KAZN: variants seen among roughly 807,000 people sequenced by gnomAD.
KAZN encodes kazrin.
In KAZN, 40 loss-of-function variants were observed where a neutral mutation model predicts 87.4. That is an observed-to-expected ratio of 0.46 (90% CI 0.36 to 0.60). KAZN has a LOEUF of 0.60. KAZN is among the 20% of genes least tolerant of loss of function. The pLI is 0.00. For synonymous variants in KAZN, 466 were observed against 458.3 expected, an observed-to-expected ratio of 1.02 and a Z score of -0.22; for missense variants, 898 against 1,073.9, an observed-to-expected ratio of 0.84 and a Z score of 2.29.
At chr1:14,960,616 A>G in intron 1 of KAZN, 68 bp from the exon 2 acceptor site, 3 of 1,509,338 alleles carry the variant, frequency 2.0e-6, no homozygotes, top group Non-Finnish European at 2.7e-6. Flanking sequence ...ACCTCAAACC[A>G]TCCCCAGAAA....
chr1:14,694,154 C>T (rs1358165702), intron 1 of KAZN, among the ~76,000 whole-genome samples: 1 of 152,224 alleles, frequency 6.6e-6, no homozygotes, highest in African/African-American at 2.4e-5. Flanking sequence ...CAAAACACTG[C>T]CCAGCTCTGT....
chr1:14,158,888 T>G (rs7533459), intron 1 of KAZN, among the ~76,000 whole-genome samples: 26,892 of 152,144 alleles, frequency 0.18, 2,999 homozygotes, highest in East Asian at 0.33. Context: ...TCTTGGGTAA[T>G]ATCTGAAATA....
At chr1:14,050,001 G>C (rs1016871614) in intron 1 of KAZN, among the ~76,000 whole-genome samples, 6 of 152,228 alleles carry the variant, frequency 3.9e-5, no homozygotes, top group Admixed American at 1.3e-4. Context: ...GAGGGAAAGG[G>C]AGAGGGGCCA....
intron 2 of KAZN, among the ~76,000 whole-genome samples, chr1:14,479,619 C>T (rs1668957654): frequency 1.3e-5 from 2 of 152,186 alleles, no homozygotes; most frequent in East Asian, 1.9e-4. Flanking sequence ...TTTTCCCTGA[C>T]AATCCTAGGC....
chr1:14,568,228 A>C (rs2148539945), intron 2 of KAZN, among the ~76,000 whole-genome samples: 1 of 152,294 alleles, frequency 6.6e-6, no homozygotes, highest in East Asian at 1.9e-4. Context: ...GCCTATCATG[A>C]GGGCCACATT....
intron 1 of KAZN, among the ~76,000 whole-genome samples, chr1:14,848,090 C>A (rs61772354): frequency 1.3e-5 from 2 of 152,140 alleles, no homozygotes; most frequent in African/African-American, 4.8e-5. Context: ...ATTTGAGGAC[C>A]AGGCAAGGGA....
chr1:14,888,701 T>A (rs776618723), intron 1 of KAZN, among the ~76,000 whole-genome samples: 12 of 152,134 alleles, frequency 7.9e-5, no homozygotes, highest in Non-Finnish European at 1.6e-4. Flanking sequence ...TAGGATAGGA[T>A]CACTTATGCC....
intron 1 of KAZN, among the ~76,000 whole-genome samples, chr1:14,142,368 C>T (rs1306951862): frequency 1.3e-5 from 2 of 152,182 alleles, no homozygotes; most frequent in African/African-American, 2.4e-5. Flanking sequence ...CCAGGTTGTT[C>T]CTAACAGCAA....
chr1:15,046,343 A>C (rs114732839), intron 4 of KAZN, among the ~76,000 whole-genome samples: 4,444 of 151,946 alleles, frequency 0.029, 189 homozygotes, highest in African/African-American at 0.094. Context: ...ATTTGCTATT[A>C]ATTAAGTGGA....
At chr1:14,550,738 T>TCTCTCTCTC (rs1329797253) in intron 2 of KAZN, among the ~76,000 whole-genome samples, 1 of 37,988 alleles carries the variant, frequency 2.6e-5, no homozygotes, top group South Asian at 1.8e-3. Context: ...TCTCTCTCTC[T>TCTCTCTCTC]CCCCCACCCC....
At chr1:14,893,074 A>G (rs1435416332) in intron 1 of KAZN, among the ~76,000 whole-genome samples, 3 of 152,210 alleles carry the variant, frequency 2.0e-5, no homozygotes, top group Non-Finnish European at 4.4e-5. Flanking sequence ...ATCATTTTTA[A>G]AAGGAAAATA....
At chr1:14,357,407 C>G (rs188161717) in intron 2 of KAZN, among the ~76,000 whole-genome samples, 9 of 152,182 alleles carry the variant, frequency 5.9e-5, no homozygotes, top group Non-Finnish European at 8.8e-5. Flanking sequence ...ATTGGAATAC[C>G]CTTTATTTCT....
At chr1:14,239,653 T>A (rs1248898682) in intron 2 of KAZN, among the ~76,000 whole-genome samples, 1 of 151,724 alleles carries the variant, frequency 6.6e-6, no homozygotes. Flanking sequence ...AGAGACAGGG[T>A]TTCTCCATGT....
intron 1 of KAZN, among the ~76,000 whole-genome samples, chr1:14,739,759 AG>A (rs1462627717): frequency 1.3e-5 from 2 of 152,128 alleles, no homozygotes; most frequent in African/African-American, 4.8e-5. Flanking sequence ...ATTCAAAAAA[AG>A]TGGAAAGCTT....
intron 7 of KAZN, among the ~76,000 whole-genome samples, chr1:15,065,405 G>A (rs1045592783): frequency 6.6e-6 from 1 of 152,162 alleles, no homozygotes; most frequent in Non-Finnish European, 1.5e-5. Context: ...GTCCCTGAGA[G>A]GTTCTGTGAC....
At chr1:14,228,690 G>A (rs1647520070) in intron 2 of KAZN, among the ~76,000 whole-genome samples, 1 of 152,224 alleles carries the variant, frequency 6.6e-6, no homozygotes, top group Non-Finnish European at 1.5e-5. Flanking sequence ...TCTTCTTTGG[G>A]AAGGGTGGAG....
Position 14,778,237 on chromosome 1 carries a change from G to A in KAZN, c.226+179014G>A, listed in dbSNP as rs193014312. Among the ~76,000 whole-genome samples the A allele has an allele frequency of 3.3e-5, 5 of 152,252 alleles. No homozygotes were observed. In the East Asian group the frequency reaches 9.7e-4, roughly 29 times the overall value. ...CAAAAGTGACACAGAGGACACAAAG[G>A]CATCCTGCCTGCAGCCTCCATAAAC... is the stretch of plus-strand genomic sequence containing the variant. On this transcript the variant is annotated intron_variant, in intron 1 of 14. Coordinates refer to ENST00000376030, the MANE Select transcript of KAZN (RefSeq NM_201628.3).
At position 14,088,812 on chromosome 1, in the gene KAZN, T is replaced by A. The variant is rs567984956; in HGVS notation, c.92-91623T>A. Among the ~76,000 whole-genome samples, 4 of 152,164 alleles carry A rather than the reference T, an allele frequency of 2.6e-5. No homozygotes were observed. In the East Asian group the frequency reaches 7.7e-4, roughly 29 times the overall value. On this transcript the variant is annotated intron_variant, in intron 1 of 16. Coordinates refer to the KAZN transcript ENST00000636203. ...TTGTTTCATATACTTTGATGTTCTT[T>A]TATGAAGTCCATGCACATTTAGCAT...
At chr1:14,909,743 G>A (rs1323303107) in intron 1 of KAZN, among the ~76,000 whole-genome samples, 1 of 152,156 alleles carries the variant, frequency 6.6e-6, no homozygotes, top group Non-Finnish European at 1.5e-5. Context: ...TATGCAGTTG[G>A]TGCTTTCATA....
Sources: gnomAD v4.1 joint callset for allele counts (sites outside exome capture counted in the v4.1 genomes callset) on GRCh38, gnomAD v4.1.1 for gene constraint, MANE v1.5 for transcripts, NCBI Gene and HGNC (gene_info 2026-07-23, HGNC 2026-07-21) for gene names.